The following SCFD2 variants were observed in gnomAD, a reference collection of about 807,000 sequenced individuals.
SCFD2 encodes the protein sec1 family domain containing 2.
A neutral mutation model predicts 58.9 loss-of-function variants in SCFD2; 54 were observed. The ratio of observed to expected loss-of-function variants is 0.92; its 90% CI spans 0.74 to 1.15. The LOEUF (loss-of-function observed/expected upper bound fraction) is 1.15. SCFD2 is among the 50% of genes most tolerant of loss of function. SCFD2 has a pLI of 0.00. For synonymous variants in SCFD2, 321 were observed against 335.9 expected (o/e 0.96, Z 0.49); for missense variants, 805 against 836.6 (o/e 0.96, Z 0.47).
intron 3 of SCFD2, among the ~76,000 whole-genome samples, chr4:53,283,215 T>C (rs1369898385): frequency 6.6e-6 from 1 of 152,226 alleles, no homozygotes; most frequent in Non-Finnish European, 1.5e-5. Context: ...AGACCATTTT[T>C]TGTCTAGTTT....
intron 5 of SCFD2, among the ~76,000 whole-genome samples, chr4:53,116,850 T>TGTTAACATA (rs1725336214): frequency 1.3e-5 from 2 of 152,350 alleles, no homozygotes; most frequent in South Asian, 4.1e-4. Context: ...GGCAGATGGA[T>TGTTAACATA]GTTAACATAT....
At chr4:53,111,448 T>C in intron 5 of SCFD2, among the ~76,000 whole-genome samples, 1 of 152,172 alleles carries the variant, frequency 6.6e-6, no homozygotes, top group Admixed American at 6.6e-5. Flanking sequence ...TTTGAATTAT[T>C]CTGTGTTATA....
At chr4:53,041,221 G>C (rs766744767) in intron 5 of SCFD2, among the ~76,000 whole-genome samples, 13 of 152,162 alleles carry the variant, frequency 8.5e-5, no homozygotes, top group Non-Finnish European at 1.8e-4. Flanking sequence ...TTTGTTTCTA[G>C]AACTGATAGT....
chr4:53,148,926 C>T (rs1726421802), intron 4 of SCFD2, among the ~76,000 whole-genome samples: 1 of 152,184 alleles, frequency 6.6e-6, no homozygotes, highest in South Asian at 2.1e-4. Context: ...AGAAGGATCG[C>T]TTGAACCCAG....
chr4:53,252,617 A>G (rs938410086), intron 4 of SCFD2, among the ~76,000 whole-genome samples: 4 of 151,946 alleles, frequency 2.6e-5, no homozygotes, highest in Non-Finnish European at 5.9e-5. Flanking sequence ...CAATCCTGAG[A>G]AAAACAAGCA....
chr4:53,003,215 A>C (rs950738609), intron 5 of SCFD2, among the ~76,000 whole-genome samples: 20 of 151,898 alleles, frequency 1.3e-4, no homozygotes, highest in Non-Finnish European at 7.4e-5. Context: ...TCTTTCTTTC[A>C]TTCATGCCAT....
intron 3 of SCFD2, among the ~76,000 whole-genome samples, chr4:53,286,130 C>A (rs1477511147): frequency 6.6e-6 from 1 of 152,154 alleles, no homozygotes; most frequent in Non-Finnish European, 1.5e-5. Flanking sequence ...CTGAAGCTTG[C>A]ACCCCACTGA....
At chr4:53,326,053 C>A (rs1733185418) in intron 2 of SCFD2, among the ~76,000 whole-genome samples, 2 of 152,122 alleles carry the variant, frequency 1.3e-5, no homozygotes, top group African/African-American at 2.4e-5. Flanking sequence ...TAGCAGATGA[C>A]AAGAAAACAT....
chr4:52,929,934 A>G (rs549912737), intron 5 of SCFD2, among the ~76,000 whole-genome samples: 1 of 152,356 alleles, frequency 6.6e-6, no homozygotes, highest in Admixed American at 6.5e-5. Context: ...CATATATTCC[A>G]AAGTAATTTA....
In SCFD2 at chr4:53,076,770, A is replaced by G. The variant is rs1275525778; in HGVS notation, c.1561+68563T>C. ...AGCAGCCTTTCTCTACACCGGCTCA[A>G]AGTAGGCTGCCAGCCACACTTGCAT... On this transcript the variant is annotated intron_variant, in intron 5 of 8. Coordinates refer to ENST00000401642, the MANE Select transcript of SCFD2 (RefSeq NM_152540.4). Among the ~76,000 whole-genome samples, 4 of 152,206 alleles carry G rather than the reference A, an allele frequency of 2.6e-5. No individual in the cohort carries two copies. The East Asian group carries it at 7.7e-4, about 29-fold the overall frequency.
intron 5 of SCFD2, among the ~76,000 whole-genome samples, chr4:53,069,780 T>C (rs762731143): frequency 6.6e-6 from 1 of 152,060 alleles, no homozygotes; most frequent in Non-Finnish European, 1.5e-5. Flanking sequence ...GCTGCTACTA[T>C]TCAGTTGGAT....
chr4:53,170,464 T>A (rs926026136), intron 4 of SCFD2, among the ~76,000 whole-genome samples: 1 of 152,208 alleles, frequency 6.6e-6, no homozygotes, highest in Admixed American at 6.5e-5. Flanking sequence ...AAGCAAGTAG[T>A]GCAGCGCCTC....
intron 5 of SCFD2, among the ~76,000 whole-genome samples, chr4:53,097,649 T>C (rs987019782): frequency 6.6e-6 from 1 of 152,196 alleles, no homozygotes; most frequent in Non-Finnish European, 1.5e-5. Context: ...TACACAATCA[T>C]GTTGTCTGCA....
intron 4 of SCFD2, among the ~76,000 whole-genome samples, chr4:53,272,529 G>T (rs1482960101): frequency 3.3e-5 from 5 of 152,148 alleles, no homozygotes; most frequent in Non-Finnish European, 2.9e-5. Flanking sequence ...CCATAAAAAA[G>T]GATGAGCTCA....
chr4:53,194,620 C>A (rs1221933452), intron 4 of SCFD2, among the ~76,000 whole-genome samples: 2 of 152,088 alleles, frequency 1.3e-5, no homozygotes, highest in Non-Finnish European at 2.9e-5. Flanking sequence ...TAGTAGAAAT[C>A]CATCATTAGA....
At chr4:53,052,653 T>C (rs950707276) in intron 5 of SCFD2, among the ~76,000 whole-genome samples, 2 of 152,194 alleles carry the variant, frequency 1.3e-5, no homozygotes, top group African/African-American at 4.8e-5. Flanking sequence ...CAAATGGTAA[T>C]TGAGACTTAT....
chr4:53,050,911 G>A (rs1008119848), intron 5 of SCFD2, among the ~76,000 whole-genome samples: 2 of 152,156 alleles, frequency 1.3e-5, no homozygotes, highest in Non-Finnish European at 2.9e-5. Flanking sequence ...TCGTCTGTCA[G>A]GTGGAAGCTT....
chr4:53,151,802 A>G (rs113436140), intron 4 of SCFD2, among the ~76,000 whole-genome samples: 80 of 152,344 alleles, frequency 5.3e-4, no homozygotes, highest in African/African-American at 1.8e-3. Flanking sequence ...TGCAGGTTGT[A>G]CAAGCATGGT....
chr4:53,234,172 T>A (rs539205068), intron 4 of SCFD2, among the ~76,000 whole-genome samples: 19 of 151,828 alleles, frequency 1.3e-4, no homozygotes, highest in African/African-American at 4.4e-4. Flanking sequence ...TGTATGCACA[T>A]CCAAAAAAAA....
Sources: gnomAD v4.1 joint callset for allele counts (sites outside exome capture counted in the v4.1 genomes callset) on GRCh38, gnomAD v4.1.1 for gene constraint, MANE v1.5 for transcripts, NCBI Gene and HGNC (gene_info 2026-07-23, HGNC 2026-07-21) for gene names.